KIF26B: variants seen among roughly 807,000 people sequenced by gnomAD.
The protein encoded by KIF26B is kinesin family member 26B.
In KIF26B, 63 loss-of-function variants were observed where a neutral mutation model predicts 151.2. That is an observed-to-expected ratio of 0.42 (90% CI 0.34 to 0.51). The LOEUF is 0.51. Ranked by LOEUF, KIF26B falls within the 20% of genes least tolerant of loss-of-function variation. The probability of loss-of-function intolerance (pLI) is 0.07; values close to 1 mark genes in which losing one functional copy is unlikely to be tolerated. For synonymous variants in KIF26B, 1,357 were observed against 1,262.1 expected (o/e 1.08, Z -1.59); for missense variants, 2,813 against 2,913.6 (o/e 0.97, Z 0.79).
rs560287550 is a variant in KIF26B at position 245,170,803 on chromosome 1, CA to C, written c.465+14122del. Among the ~76,000 whole-genome samples the C allele has an allele frequency of 1.1e-3, 174 of 152,286 alleles. No homozygotes were observed. The highest frequency in any genetic ancestry group is 2.1e-3 in the Non-Finnish European group (142 of 68,016). On this transcript the variant is annotated intron_variant, in intron 2 of 14. Coordinates refer to ENST00000407071, the MANE Select transcript of KIF26B (RefSeq NM_018012.4). This position sits in a 1 kb window ranked among gnomAD's most constrained non-coding sequence, Gnocchi z 4.4. ...TACCATCACTTTGGGGGTTAGGTTT[CA>C]ACATGATTTTGGGGAGAACATAAGC... is the stretch of plus-strand genomic sequence containing the variant.
intron 9 of KIF26B, among the ~76,000 whole-genome samples, chr1:245,620,317 C>T (rs2043643984): frequency 6.6e-6 from 1 of 152,250 alleles, no homozygotes; most frequent in East Asian, 1.9e-4. Context: ...CACTTTACAA[C>T]CAACTGGGTA....
intron 2 of KIF26B, among the ~76,000 whole-genome samples, chr1:245,347,716 C>T (rs1672482640): frequency 1.3e-5 from 2 of 152,236 alleles, no homozygotes; most frequent in Admixed American, 1.3e-4. Context: ...TGAACCCACT[C>T]CATTTATCTT....
intron 3 of KIF26B, among the ~76,000 whole-genome samples, chr1:245,368,041 A>C (rs866173455): frequency 3.9e-5 from 6 of 152,150 alleles, no homozygotes; most frequent in African/African-American, 1.4e-4. Context: ...GCTGAGAATA[A>C]AATATACGAA....
chr1:245,650,339 G>A (rs1384542030), intron 10 of KIF26B, among the ~76,000 whole-genome samples: 2 of 152,228 alleles, frequency 1.3e-5, no homozygotes, highest in Non-Finnish European at 2.9e-5. Flanking sequence ...AGAAAAAATA[G>A]GCAGAAGCGT....
chr1:245,576,916 A>G (rs2103126453), intron 5 of KIF26B, among the ~76,000 whole-genome samples: 1 of 152,264 alleles, frequency 6.6e-6, no homozygotes, highest in Admixed American at 6.5e-5. Context: ...ACATCTTTAT[A>G]GCTTAAGGGG....
intron 10 of KIF26B, among the ~76,000 whole-genome samples, chr1:245,680,415 A>G (rs1255624228): frequency 6.6e-6 from 1 of 152,110 alleles, no homozygotes; most frequent in Non-Finnish European, 1.5e-5. Flanking sequence ...TCTTTCCACA[A>G]TGTAGACTTA....
At chr1:245,437,922 A>G (rs983123389) in intron 4 of KIF26B, among the ~76,000 whole-genome samples, 13 of 152,026 alleles carry the variant, frequency 8.6e-5, no homozygotes, top group African/African-American at 2.7e-4. Context: ...TGAAACATAG[A>G]CTCTAAGAAT....
At chr1:245,192,351 G>GAAAAA (rs1669125165) in intron 2 of KIF26B, among the ~76,000 whole-genome samples, 1 of 150,134 alleles carries the variant, frequency 6.7e-6, no homozygotes, top group Non-Finnish European at 1.5e-5. Flanking sequence ...TCACAGGAAA[G>GAAAAA]AAAAAAAAGG....
chr1:245,528,416 T>C (rs1218976663), intron 4 of KIF26B, among the ~76,000 whole-genome samples: 1 of 152,182 alleles, frequency 6.6e-6, no homozygotes, highest in East Asian at 1.9e-4. Context: ...CTTTCTCAAG[T>C]AGGGACTTTT....
intron 2 of KIF26B, among the ~76,000 whole-genome samples, chr1:245,231,557 GA>G (rs1669998441): frequency 6.6e-6 from 1 of 152,074 alleles, no homozygotes. Flanking sequence ...ATTCTTTATG[GA>G]AAAAAGAAGA....
At chr1:245,181,194 C>T (rs1037586931) in intron 2 of KIF26B, among the ~76,000 whole-genome samples, 3 of 152,084 alleles carry the variant, frequency 2.0e-5, no homozygotes, top group Admixed American at 6.5e-5. Context: ...CTCTTTACCC[C>T]GATTTCCCCC....
intron 5 of KIF26B, among the ~76,000 whole-genome samples, chr1:245,576,914 A>G (rs963221236): frequency 6.6e-6 from 1 of 152,104 alleles, no homozygotes; most frequent in Non-Finnish European, 1.5e-5. Flanking sequence ...TCACATCTTT[A>G]TAGCTTAAGG....
intron 5 of KIF26B, among the ~76,000 whole-genome samples, chr1:245,552,723 C>T (rs748627919): frequency 2.6e-5 from 4 of 151,896 alleles, no homozygotes; most frequent in Non-Finnish European, 4.4e-5. Context: ...AGCGATTCTC[C>T]TGCGTAGCTG....
In KIF26B at chr1:245,703,214, C is replaced by T. The variant is rs2044797144; in HGVS notation, c.*608C>T. 6.6e-6 allele frequency: 1 copy of T among 152,662 alleles called. No homozygotes were observed. Among genetic ancestry groups the T allele is most frequent in the Non-Finnish European group, 1.5e-5 (1 of 68,068 alleles). The allele number at this position is 152,662 out of a possible 1,614,324, so 9.5% of individuals were successfully genotyped here. ...TGTGTTTGTAGAGCTATTTCTTAAT[C>T]AGTATTGCTTATGAATAAATATTAC... On this transcript the variant is annotated 3_prime_UTR_variant, in exon 15 of 15. Transcript: ENST00000407071.
intron 2 of KIF26B, among the ~76,000 whole-genome samples, chr1:245,182,670 C>G (rs527733480): frequency 1.8e-4 from 28 of 152,228 alleles, no homozygotes; most frequent in African/African-American, 6.5e-4. Context: ...GAGTCTCACT[C>G]TGTCGCCCAG....
intron 10 of KIF26B, among the ~76,000 whole-genome samples, chr1:245,672,232 C>A (rs1369830512): frequency 2.6e-5 from 4 of 152,100 alleles, no homozygotes; most frequent in Non-Finnish European, 4.4e-5. Context: ...TATTCGGGAT[C>A]CCCAACTGAG....
chr1:245,181,603 A>G (rs1451899826), intron 2 of KIF26B, among the ~76,000 whole-genome samples: 2 of 152,072 alleles, frequency 1.3e-5, no homozygotes, highest in Non-Finnish European at 1.5e-5. Context: ...ATGTTCGGAA[A>G]GGACCTGCGG....
At chr1:245,655,413 T>C (rs6428942) in intron 10 of KIF26B, among the ~76,000 whole-genome samples, 24,736 of 151,762 alleles carry the variant, frequency 0.16, 2,583 homozygotes, top group East Asian at 0.5. Context: ...AGTACGCATC[T>C]TTTCTTTTGA....
chr1:245,303,022 T>C (rs1281420378), intron 2 of KIF26B, among the ~76,000 whole-genome samples: 1 of 99,010 alleles, frequency 1.0e-5, no homozygotes, highest in Non-Finnish European at 2.1e-5. Flanking sequence ...AAGAAAGAAA[T>C]GGCAAATGGA....
Sources: gnomAD v4.1 joint callset for allele counts (sites outside exome capture counted in the v4.1 genomes callset) on GRCh38, gnomAD v4.1.1 for gene constraint, Gnocchi (gnomAD v3.1) non-coding constraint, MANE v1.5 for transcripts, NCBI Gene and HGNC (gene_info 2026-07-23, HGNC 2026-07-21) for gene names.